The following FAM98B variants were observed in gnomAD, a reference collection of about 807,000 sequenced individuals.
The protein encoded by FAM98B is tRNA-splicing ligase complex subunit FAM98B.
A neutral mutation model predicts 43.9 loss-of-function variants in FAM98B; 32 were observed. The ratio of observed to expected loss-of-function variants is 0.73; its 90% CI spans 0.55 to 0.98. The LOEUF (loss-of-function observed/expected upper bound fraction) is 0.98. Among genes scored for constraint, FAM98B ranks in the 50% least tolerant of loss-of-function variants. The probability of loss-of-function intolerance (pLI) is 0.00; values close to 1 mark genes in which losing one functional copy is unlikely to be tolerated. For synonymous variants in FAM98B, 190 were observed against 174.0 expected (o/e 1.09, Z -0.72); for missense variants, 514 against 522.9 (o/e 0.98, Z 0.17).
At chr15:38,473,973 T>C (rs1157586760) in intron 5 of FAM98B, among the ~76,000 whole-genome samples, 2 of 152,224 alleles carry the variant, frequency 1.3e-5, no homozygotes, top group African/African-American at 2.4e-5. Context: ...GTTTAATTTG[T>C]ATGTTTAATG....
chr15:38,472,163 G>A (rs980814952), intron 4 of FAM98B, among the ~76,000 whole-genome samples: 9 of 152,078 alleles, frequency 5.9e-5, no homozygotes, highest in African/African-American at 1.7e-4. Flanking sequence ...AAACTATTAC[G>A]TAATGTTGGA....
intron 3 of FAM98B, among the ~76,000 whole-genome samples, chr15:38,467,338 A>T (rs1445810284): frequency 6.6e-6 from 1 of 152,232 alleles, no homozygotes; most frequent in Admixed American, 6.5e-5. Context: ...GAGCTTTTAT[A>T]AATCAACAGG....
At position 38,484,906 on chromosome 15, in the gene FAM98B, AAAAAG is replaced by A. The variant is rs1256793178; in HGVS notation, c.*250_*254del. On this transcript the variant is annotated 3_prime_UTR_variant, in exon 8 of 8. Coordinates refer to ENST00000397609, the MANE Select transcript of FAM98B (RefSeq NM_173611.4). ...ATGTTGTGTCTTTTTAAAAAACAAA[AAAAAG>A]AACAAAAATTATTTTTTAAAATGTA... is the stretch of plus-strand genomic sequence containing the variant. The A allele has an allele frequency of 1.4e-5, 6 of 424,566 alleles. No individual in the cohort carries two copies. The highest frequency in any genetic ancestry group is 2.3e-5 in the Non-Finnish European group (6 of 260,090). 26.3% of individuals were successfully genotyped at this position (424,566 alleles called of 1,614,324 possible).
intron 3 of FAM98B, 124 bp downstream of exon 3, chr15:38,465,527 A>G: frequency 1.2e-6 from 1 of 848,032 alleles, no homozygotes. Flanking sequence ...TTTACTTAAA[A>G]TACAAAGCTA....
At chr15:38,455,363 C>T (rs150959268) in intron 1 of FAM98B, among the ~76,000 whole-genome samples, 210 of 152,338 alleles carry the variant, frequency 1.4e-3, no homozygotes, top group African/African-American at 4.4e-3. Context: ...GAAGCTGTGC[C>T]TTTGCAGCGT....
At chr15:38,455,092 C>T (rs905051090) in intron 1 of FAM98B, among the ~76,000 whole-genome samples, 2 of 152,162 alleles carry the variant, frequency 1.3e-5, no homozygotes, top group Admixed American at 6.5e-5. Context: ...ATTCCTCCTC[C>T]TCCCCAAGTC....
chr15:38,472,405 T>C (rs1238384400), intron 4 of FAM98B, among the ~76,000 whole-genome samples: 1 of 152,106 alleles, frequency 6.6e-6, no homozygotes, highest in Non-Finnish European at 1.5e-5. Flanking sequence ...ATTGTATCAT[T>C]GTAGATGTAG....
chr15:38,455,099 A>T (rs892759992), intron 1 of FAM98B, among the ~76,000 whole-genome samples: 2 of 152,112 alleles, frequency 1.3e-5, no homozygotes, highest in African/African-American at 4.8e-5. Context: ...CTCCTCCCCA[A>T]GTCAGCTCCT....
chr15:38,479,966 T>C (rs1890258984), intron 6 of FAM98B, among the ~76,000 whole-genome samples: 1 of 152,202 alleles, frequency 6.6e-6, no homozygotes, highest in Admixed American at 6.5e-5. Context: ...TTCATAAGCT[T>C]ATTAGTCATT....
intron 6 of FAM98B, among the ~76,000 whole-genome samples, chr15:38,478,317 T>C (rs1890234981): frequency 6.6e-6 from 1 of 152,192 alleles, no homozygotes; most frequent in Non-Finnish European, 1.5e-5. Flanking sequence ...TGTTTTTTTC[T>C]TATTTGGGAA....
intron 3 of FAM98B, 117 bp downstream of exon 3, chr15:38,465,520 A>T (rs890734463): frequency 6.4e-6 from 6 of 932,376 alleles, no homozygotes; most frequent in Non-Finnish European, 7.5e-6. Flanking sequence ...TTAATATTTT[A>T]CTTAAAATAC....
intron 1 of FAM98B, among the ~76,000 whole-genome samples, chr15:38,463,020 G>A (rs1889973348): frequency 6.6e-6 from 1 of 151,982 alleles, no homozygotes. Flanking sequence ...TAACTGTGAT[G>A]GATTAAAACA....
At chr15:38,479,220 A>T (rs1213651912) in intron 6 of FAM98B, among the ~76,000 whole-genome samples, 1 of 152,104 alleles carries the variant, frequency 6.6e-6, no homozygotes, top group Non-Finnish European at 1.5e-5. Flanking sequence ...CTCCCACTTC[A>T]GCCTCCCAAA....
intron 2 of FAM98B, among the ~76,000 whole-genome samples, chr15:38,464,733 T>C (rs1219741278): frequency 6.6e-6 from 1 of 152,128 alleles, no homozygotes; most frequent in East Asian, 1.9e-4. Context: ...AAATTAAAAA[T>C]TGTGCATTCA....
At position 38,484,271 on chromosome 15, in the gene FAM98B, T is replaced by A; in HGVS notation, c.914T>A (p.Val305Glu). The change falls in exon 8 of 8, where the codon GTG (valine) becomes GAG (glutamate). Residue 305 changes from valine to glutamate, a missense_variant. Val to Glu is a moderately radical substitution (Grantham distance 121, BLOSUM62 -2). This residue lies in a region of FAM98B where 469 missense variants were observed against 451.8 expected (regional missense o/e 1.04). Coordinates refer to ENST00000397609, the MANE Select transcript of FAM98B (RefSeq NM_173611.4). Reference protein sequence around the residue: ...CAINKVLMGRVPDRGGRPNEI... With the variant: ...CAINKVLMGREPDRGGRPNEI... Reference sequence around the variant, plus strand: ...TTCACACAGGTGCTGATGGGAAGGGTGCCTGACAGGGGAGGCCGGCCGAAT... The same window carrying A: ...TTCACACAGGTGCTGATGGGAAGGGAGCCTGACAGGGGAGGCCGGCCGAAT... 6.5e-7 allele frequency: 1 copy of A among 1,549,142 alleles called. No homozygotes were observed. The highest frequency in any genetic ancestry group is 8.7e-7 in the Non-Finnish European group (1 of 1,146,718).
intron 1 of FAM98B, among the ~76,000 whole-genome samples, chr15:38,456,540 G>T (rs960880720): frequency 6.6e-6 from 1 of 152,180 alleles, no homozygotes; most frequent in Admixed American, 6.5e-5. Flanking sequence ...TCCTACCCTT[G>T]TGGAGTTTAT....
At chr15:38,464,833 C>T (rs1419325652) in intron 2 of FAM98B, among the ~76,000 whole-genome samples, 1 of 152,132 alleles carries the variant, frequency 6.6e-6, no homozygotes, top group Non-Finnish European at 1.5e-5. Context: ...AACTCCTGGG[C>T]TCAAGCAACC....
chr15:38,482,442 T>C (rs1288496519), intron 7 of FAM98B: 2 of 152,220 alleles, frequency 1.3e-5, no homozygotes, highest in African/African-American at 2.4e-5. Flanking sequence ...GGTAGTCTTA[T>C]GATCAGTTCT....
chr15:38,459,450 C>A, intron 1 of FAM98B: 1 of 353,082 alleles, frequency 2.8e-6, no homozygotes, highest in South Asian at 2.3e-5. Flanking sequence ...ATCCACGAGG[C>A]TTCTTAAGGA....
Sources: allele counts gnomAD v4.1 joint callset (sites outside exome capture counted in the v4.1 genomes callset), GRCh38; gene constraint gnomAD v4.1.1; regional missense constraint gnomAD v4.1.1; transcripts MANE v1.5; gene names NCBI Gene and HGNC (gene_info 2026-07-23, HGNC 2026-07-21).